ZNF385D: variants seen among roughly 807,000 people sequenced by gnomAD.
ZNF385D encodes the protein zinc finger protein 659.
Under a neutral mutation model 35.8 loss-of-function variants are expected in ZNF385D, and 15 were observed. The ratio of observed to expected loss-of-function variants is 0.42; its 90% CI spans 0.28 to 0.64. The LOEUF (loss-of-function observed/expected upper bound fraction) is 0.64, where lower values mean the gene tolerates loss of function less well. Ranked by LOEUF, ZNF385D falls within the 30% of genes least tolerant of loss-of-function variation. The pLI, the probability that ZNF385D is intolerant of heterozygous loss-of-function variation, is 0.23. For missense variants in ZNF385D, 474 were observed against 494.6 expected (o/e 0.96, Z 0.39); for synonymous variants, 212 against 186.8 (o/e 1.13, Z -1.10).
At chr3:21,525,917 C>T (rs1708196947) in intron 3 of ZNF385D, among the ~76,000 whole-genome samples, 1 of 152,012 alleles carries the variant, frequency 6.6e-6, no homozygotes, top group African/African-American at 2.4e-5. Flanking sequence ...GCTTTCATTT[C>T]CTAAACCAGC....
At chr3:21,944,750 T>A (rs1390433846) in intron 3 of ZNF385D, among the ~76,000 whole-genome samples, 1 of 149,776 alleles carries the variant, frequency 6.7e-6, no homozygotes, top group Non-Finnish European at 1.5e-5. Flanking sequence ...GAGAAAAAAA[T>A]TTGAAAATCA....
At chr3:21,482,960 T>C (rs1342836501) in intron 4 of ZNF385D, among the ~76,000 whole-genome samples, 5 of 152,096 alleles carry the variant, frequency 3.3e-5, no homozygotes, top group Admixed American at 6.6e-5. Context: ...AACCAGAAAA[T>C]TGACATTAGA....
intron 4 of ZNF385D, among the ~76,000 whole-genome samples, chr3:21,458,672 T>A (rs1190274624): frequency 1.3e-5 from 2 of 152,106 alleles, no homozygotes; most frequent in Admixed American, 1.3e-4. Context: ...GAAAACATTA[T>A]GCTAAATAAA....
intron 3 of ZNF385D, among the ~76,000 whole-genome samples, chr3:22,038,023 A>G (rs1698445610): frequency 1.3e-5 from 2 of 152,146 alleles, no homozygotes; most frequent in South Asian, 2.1e-4. Context: ...CTGGCTAGCC[A>G]TATGTAGAAA....
chr3:21,837,789 T>C (rs1299333374), intron 3 of ZNF385D, among the ~76,000 whole-genome samples: 1 of 151,370 alleles, frequency 6.6e-6, no homozygotes, highest in Admixed American at 6.6e-5. Flanking sequence ...AGAGAATTGC[T>C]TGAACCCGAG....
intron 3 of ZNF385D, among the ~76,000 whole-genome samples, chr3:21,848,601 T>A (rs1028600226): frequency 6.6e-6 from 1 of 151,946 alleles, no homozygotes; most frequent in African/African-American, 2.4e-5. Flanking sequence ...GAGACTAATG[T>A]GAATGATTAC....
At chr3:21,494,662 C>G (rs1705689978) in intron 4 of ZNF385D, among the ~76,000 whole-genome samples, 1 of 152,098 alleles carries the variant, frequency 6.6e-6, no homozygotes, top group African/African-American at 2.4e-5. Flanking sequence ...AGAACATTTA[C>G]CTCCAAGAGT....
chr3:21,673,598 A>G (rs1370013548), intron 1 of ZNF385D, among the ~76,000 whole-genome samples: 3 of 152,154 alleles, frequency 2.0e-5, no homozygotes, highest in African/African-American at 4.8e-5. Flanking sequence ...CCAGAAAGAA[A>G]TCATCGTCCA....
chr3:21,745,127 C>T (rs2069705476), intron 1 of ZNF385D, among the ~76,000 whole-genome samples: 1 of 152,152 alleles, frequency 6.6e-6, no homozygotes, highest in South Asian at 2.1e-4. Context: ...CCCATTCCTG[C>T]CCCCATAGCA....
upstream of ZNF385D, among the ~76,000 whole-genome samples, chr3:21,753,520 T>A (rs181812329): frequency 4.6e-5 from 7 of 152,222 alleles, no homozygotes; most frequent in East Asian, 1.2e-3. Flanking sequence ...CCAGAAACAA[T>A]TGAGTGTAAT....
intron 3 of ZNF385D, among the ~76,000 whole-genome samples, chr3:21,818,620 T>C (rs1479821034): frequency 6.6e-6 from 1 of 151,996 alleles, no homozygotes; most frequent in Non-Finnish European, 1.5e-5. Context: ...CATGGGCGTA[T>C]GGAGGAAATG....
chr3:21,516,685 A>G (rs1201222389), intron 3 of ZNF385D, among the ~76,000 whole-genome samples: 3 of 151,984 alleles, frequency 2.0e-5, no homozygotes, highest in East Asian at 1.9e-4. Context: ...CTTTGAGTCT[A>G]CTCTTGGGGT....
At chr3:22,025,166 T>A (rs1697461065) in intron 3 of ZNF385D, among the ~76,000 whole-genome samples, 1 of 152,062 alleles carries the variant, frequency 6.6e-6, no homozygotes, top group Admixed American at 6.6e-5. Flanking sequence ...AGCTTCCCCA[T>A]CCCCAGTAGT....
intron 3 of ZNF385D, among the ~76,000 whole-genome samples, chr3:21,889,042 G>C (rs966039263): frequency 2.0e-5 from 3 of 152,200 alleles, no homozygotes; most frequent in Non-Finnish European, 4.4e-5. Context: ...GAGTGCCCTT[G>C]ACATTTATGA....
At chr3:21,521,350 A>G (rs934778917) in intron 3 of ZNF385D, among the ~76,000 whole-genome samples, 1 of 152,250 alleles carries the variant, frequency 6.6e-6, no homozygotes, top group Non-Finnish European at 1.5e-5. Flanking sequence ...CTGTTCATTC[A>G]TTCACAAAGA....
intron 3 of ZNF385D, among the ~76,000 whole-genome samples, chr3:22,095,867 T>C (rs1701595258): frequency 6.6e-6 from 1 of 151,014 alleles, no homozygotes; most frequent in African/African-American, 2.4e-5. Context: ...TATATATATA[T>C]ACTATGCTTA....
intron 3 of ZNF385D, among the ~76,000 whole-genome samples, chr3:22,123,130 G>T (rs1037976252): frequency 6.6e-6 from 1 of 151,966 alleles, no homozygotes; most frequent in Non-Finnish European, 1.5e-5. Flanking sequence ...TGTTGGGAGT[G>T]ATTAGAATAG....
chr3:21,455,489 G>T (rs1303888851), intron 4 of ZNF385D, among the ~76,000 whole-genome samples: 1 of 152,176 alleles, frequency 6.6e-6, no homozygotes, highest in East Asian at 1.9e-4. Flanking sequence ...ATGGGGAAAG[G>T]ATTCCCTATT....
At chr3:22,303,096 A>G (rs749412434) in intron 2 of ZNF385D, among the ~76,000 whole-genome samples, 2 of 152,182 alleles carry the variant, frequency 1.3e-5, no homozygotes, top group Non-Finnish European at 1.5e-5. Flanking sequence ...ATGATTATCA[A>G]GAAACTGCCA....
Sources: gnomAD v4.1 joint callset for allele counts (sites outside exome capture counted in the v4.1 genomes callset) on GRCh38, gnomAD v4.1.1 for gene constraint, MANE v1.5 for transcripts, NCBI Gene and HGNC (gene_info 2026-07-23, HGNC 2026-07-21) for gene names.